Variants in PRAG1 observed in about 807,000 individuals in gnomAD.
PRAG1 encodes the protein inactive tyrosine-protein kinase PRAG1.
PRAG1 carries 110 observed loss-of-function variants against 95.6 expected under a neutral mutation model. The observed-to-expected ratio is 1.15, with a 90% confidence interval of 0.99 to 1.35. The LOEUF is 1.35. PRAG1 is among the 40% of genes most tolerant of loss of function. The pLI is 0.00. For missense variants in PRAG1, 2,554 were observed against 1,864.7 expected (o/e 1.37, Z -6.81); for synonymous variants, 1,052 against 819.4 (o/e 1.28, Z -4.85).
chr8:8,339,326 C>T (rs1799092562), intron 4 of PRAG1, 152 bp downstream of exon 4: 3 of 799,060 alleles, frequency 3.8e-6, no homozygotes, highest in Non-Finnish European at 5.7e-6. Flanking sequence ...AGATAATTGA[C>T]TTCAACAGCT....
intron 3 of PRAG1, among the ~76,000 whole-genome samples, chr8:8,367,278 G>A (rs1800038866): frequency 6.6e-6 from 1 of 151,534 alleles, no homozygotes; most frequent in Non-Finnish European, 1.5e-5. Flanking sequence ...GGCCAACATG[G>A]TGAACCCCAT....
At chr8:8,345,969 C>T (rs753902528) in intron 3 of PRAG1, among the ~76,000 whole-genome samples, 1 of 152,164 alleles carries the variant, frequency 6.6e-6, no homozygotes, top group Non-Finnish European at 1.5e-5. Flanking sequence ...GCCATCAAAG[C>T]ACAGACTTAC....
chr8:8,321,829 C>G (rs936438666), intron 5 of PRAG1, among the ~76,000 whole-genome samples: 6 of 152,148 alleles, frequency 3.9e-5, no homozygotes, highest in Non-Finnish European at 8.8e-5. Flanking sequence ...GAGTTATGTT[C>G]TGTGAAGAAG....
intron 4 of PRAG1, among the ~76,000 whole-genome samples, chr8:8,331,929 A>C (rs865777027): frequency 5.9e-5 from 9 of 152,298 alleles, no homozygotes; most frequent in Non-Finnish European, 7.4e-5. Context: ...ACATGCACTG[A>C]TTAATTTTTC....
chr8:8,354,258 A>C (rs1799618165), intron 3 of PRAG1, among the ~76,000 whole-genome samples: 2 of 152,132 alleles, frequency 1.3e-5, no homozygotes, highest in South Asian at 4.1e-4. Context: ...GTAACAAATA[A>C]AGAGATTGAA....
intron 5 of PRAG1, among the ~76,000 whole-genome samples, chr8:8,322,460 T>C (rs1798505014): frequency 6.6e-6 from 1 of 152,118 alleles, no homozygotes; most frequent in South Asian, 2.1e-4. Flanking sequence ...ATCACCAACA[T>C]GTAAACCCAA....
chr8:8,342,649 GACCCAAGAAACAGACTGGAGGATTA>G (rs952326924), intron 3 of PRAG1, among the ~76,000 whole-genome samples: 3 of 152,082 alleles, frequency 2.0e-5, no homozygotes, highest in African/African-American at 7.2e-5. Flanking sequence ...CCAGGACACA[GACCCAAGAAACAGACTGGAGGATTA>G]ACAAGTCAAT....
intron 3 of PRAG1, among the ~76,000 whole-genome samples, chr8:8,361,062 A>C (rs1163070043): frequency 6.6e-6 from 1 of 152,168 alleles, no homozygotes; most frequent in Non-Finnish European, 1.5e-5. Context: ...CTAAAAAGTG[A>C]TCAATTTGAT....
In PRAG1 at chr8:8,381,402, T is replaced by A. The variant is rs776677990; in HGVS notation, c.330+16A>T. ...GCAGCCCCTGTAAAAATACCACGAG[T>A]GTTAGTCAGCCTCACCTGCGAGACT... On this transcript the variant is annotated intron_variant, in intron 2 of 5. Transcript: ENST00000615670. 5.7e-6 allele frequency: 9 copies of A among 1,591,784 alleles called. No homozygotes were observed. In the South Asian group the frequency reaches 1.0e-4, roughly 18 times the overall value.
At chr8:8,327,085 G>C (rs1798655152) in intron 5 of PRAG1, among the ~76,000 whole-genome samples, 1 of 152,170 alleles carries the variant, frequency 6.6e-6, no homozygotes, top group African/African-American at 2.4e-5. Context: ...TTGTGGCAAA[G>C]TACCTGGCCT....
intron 3 of PRAG1, among the ~76,000 whole-genome samples, chr8:8,373,622 A>G (rs1212592378): frequency 6.6e-6 from 1 of 151,674 alleles, no homozygotes; most frequent in South Asian, 2.1e-4. Flanking sequence ...GCTGATTTTC[A>G]TATCTTTTTT....
chr8:8,383,098 C>T (rs1800737755), intron 1 of PRAG1, among the ~76,000 whole-genome samples: 3 of 152,166 alleles, frequency 2.0e-5, no homozygotes, highest in African/African-American at 7.2e-5. Flanking sequence ...AAGGATCTGC[C>T]TTAAGTTTGA....
At chr8:8,333,850 G>A (rs146558106) in intron 4 of PRAG1, among the ~76,000 whole-genome samples, 1 of 152,334 alleles carries the variant, frequency 6.6e-6, no homozygotes, top group Non-Finnish European at 1.5e-5. Context: ...AATATGGATG[G>A]AGAAAACCTC....
At chr8:8,369,193 T>C (rs1444321867) in intron 3 of PRAG1, among the ~76,000 whole-genome samples, 1 of 151,610 alleles carries the variant, frequency 6.6e-6, no homozygotes, top group Non-Finnish European at 1.5e-5. Flanking sequence ...TGGCTTGCTT[T>C]TTTTTTTTTT....
chr8:8,327,866 G>C lies in PRAG1; in HGVS notation c.2916C>G (p.Asp972Glu). The change falls in exon 5 of 6, where the codon GAC (aspartate) becomes GAG (glutamate). Residue 972 changes from aspartate (D) to glutamate (E), a missense_variant. Physicochemically the swap from Asp to Glu is conservative, Grantham distance 45. Transcript: ENST00000615670. Reference sequence around the variant, plus strand: ...CCTTTTTCTGGCCGCCCATGAAGAGGTCCTCACATTTGGCTACAAGGCGGG... The same window carrying C: ...CCTTTTTCTGGCCGCCCATGAAGAGCTCCTCACATTTGGCTACAAGGCGGG... ...SLARLVAKCE[D>E]LFMGGQKKEL... 6.2e-7 allele frequency: 1 copy of C among 1,614,200 alleles called. No homozygotes were observed. The highest frequency in any genetic ancestry group is 8.5e-7 in the Non-Finnish European group (1 of 1,180,024).
intron 5 of PRAG1, among the ~76,000 whole-genome samples, chr8:8,320,107 C>T (rs992473643): frequency 1.3e-5 from 2 of 152,188 alleles, no homozygotes; most frequent in Admixed American, 6.5e-5. Flanking sequence ...ACAGTGTGGT[C>T]GGGAGGTATT....
At chr8:8,356,865 A>G (rs1379560181) in intron 3 of PRAG1, among the ~76,000 whole-genome samples, 2 of 152,214 alleles carry the variant, frequency 1.3e-5, no homozygotes, top group Admixed American at 6.5e-5. Context: ...TAGAACGTCC[A>G]GAAACAAACC....
chr8:8,369,979 C>T (rs938234098), intron 3 of PRAG1, among the ~76,000 whole-genome samples: 1 of 152,168 alleles, frequency 6.6e-6, no homozygotes, highest in East Asian at 1.9e-4. Flanking sequence ...AGGAACAGAA[C>T]CCCAGTAACT....
chr8:8,346,432 A>T (rs550933687), intron 3 of PRAG1, among the ~76,000 whole-genome samples: 1 of 152,312 alleles, frequency 6.6e-6, no homozygotes, highest in Non-Finnish European at 1.5e-5. Flanking sequence ...GGTGAAAGGT[A>T]CAGGCCAGTG....
Sources: allele counts gnomAD v4.1 joint callset (sites outside exome capture counted in the v4.1 genomes callset), GRCh38; gene constraint gnomAD v4.1.1; transcripts MANE v1.5; gene names NCBI Gene and HGNC (gene_info 2026-07-23, HGNC 2026-07-21).